TAFA5: variants seen among roughly 807,000 people sequenced by gnomAD.
The protein encoded by TAFA5 is TAFA chemokine like family member 5, also known as chemokine-like protein TAFA-5.
A neutral mutation model predicts 15.3 loss-of-function variants in TAFA5; 6 were observed. The ratio of observed to expected loss-of-function variants is 0.39; its 90% CI spans 0.21 to 0.77. TAFA5 has a LOEUF of 0.77. Ranked by LOEUF, TAFA5 falls within the 30% of genes least tolerant of loss-of-function variation. TAFA5 has a pLI of 0.41. For missense variants in TAFA5, 161 were observed against 193.1 expected (o/e 0.83, Z 0.98); for synonymous variants, 103 against 80.7 (o/e 1.28, Z -1.48).
intron 2 of TAFA5, among the ~76,000 whole-genome samples, chr22:48,695,416 T>C (rs1254016641): frequency 6.6e-6 from 1 of 152,178 alleles, no homozygotes; most frequent in African/African-American, 2.4e-5. Flanking sequence ...GATGATTCAT[T>C]TTTCCAAGCT....
chr22:48,538,226 C>T (rs1412054873), intron 1 of TAFA5, among the ~76,000 whole-genome samples: 1 of 151,646 alleles, frequency 6.6e-6, no homozygotes, highest in Non-Finnish European at 1.5e-5. Context: ...AAAGTCGCTG[C>T]CAGCTCCTGG....
At chr22:48,641,690 G>A (rs536322593) in intron 1 of TAFA5, among the ~76,000 whole-genome samples, 7 of 145,754 alleles carry the variant, frequency 4.8e-5, no homozygotes, top group South Asian at 2.4e-4. Context: ...GTGTGCACAC[G>A]GCCTCGCTAA....
chr22:48,577,976 C>T (rs1400683397), intron 1 of TAFA5, among the ~76,000 whole-genome samples: 1 of 152,218 alleles, frequency 6.6e-6, no homozygotes, highest in Non-Finnish European at 1.5e-5. Flanking sequence ...GTCATTGGGT[C>T]CAGGCAAGCC....
chr22:48,569,880 C>T (rs1386355255), intron 1 of TAFA5, among the ~76,000 whole-genome samples: 2 of 152,222 alleles, frequency 1.3e-5, no homozygotes. Flanking sequence ...GCCTGTCATG[C>T]TCTAGTCCTT....
At chr22:48,608,350 A>G (rs1159087805) in intron 1 of TAFA5, among the ~76,000 whole-genome samples, 1 of 151,950 alleles carries the variant, frequency 6.6e-6, no homozygotes, top group Non-Finnish European at 1.5e-5. Flanking sequence ...TTTTCTCTGA[A>G]CATTTATGCT....
chr22:48,615,007 C>T (rs1925546080), intron 1 of TAFA5, among the ~76,000 whole-genome samples: 1 of 152,158 alleles, frequency 6.6e-6, no homozygotes, highest in Non-Finnish European at 1.5e-5. Flanking sequence ...GGGGATTCAT[C>T]CTTTTTCTTT....
chr22:48,672,583 A>G (rs563182056), intron 2 of TAFA5, among the ~76,000 whole-genome samples: 1 of 152,202 alleles, frequency 6.6e-6, no homozygotes, highest in African/African-American at 2.4e-5. Context: ...TTTCTTTTGG[A>G]GCTTTGAAGA....
intron 2 of TAFA5, among the ~76,000 whole-genome samples, chr22:48,650,677 G>C (rs564720260): frequency 5.3e-5 from 8 of 152,324 alleles, no homozygotes; most frequent in South Asian, 2.1e-4. Context: ...GTACAGGGCA[G>C]GGCTGTGAGC....
At position 48,490,243 on chromosome 22, in the gene TAFA5, T is replaced by C. The variant is rs1272224800; in HGVS notation, c.112+539T>C. ...CGGGAAACGGGCTCGTCAGGCGCCT[T>C]CTGGAAAGAGAAGCGAAGTGAGGGA... On this transcript the variant is annotated intron_variant, in intron 1 of 3. Transcript: ENST00000402357. The surrounding 1 kb of genome is among the most constrained non-coding windows in gnomAD (Gnocchi z 5.8). Among the ~76,000 whole-genome samples the C allele has an allele frequency of 6.6e-6, 1 of 151,996 alleles. No individual in the cohort carries two copies. Among genetic ancestry groups the C allele is most frequent in the Non-Finnish European group, 1.5e-5 (1 of 67,956 alleles).
intron 1 of TAFA5, among the ~76,000 whole-genome samples, chr22:48,540,394 C>T (rs933019748): frequency 2.0e-5 from 3 of 152,066 alleles, no homozygotes; most frequent in East Asian, 1.9e-4. Context: ...AATCCCTCTC[C>T]GAGGCCACTT....
chr22:48,631,081 G>A (rs1289665088), intron 1 of TAFA5, among the ~76,000 whole-genome samples: 1 of 152,204 alleles, frequency 6.6e-6, no homozygotes, highest in Non-Finnish European at 1.5e-5. Flanking sequence ...TCCTTTCTAA[G>A]GACGGACCTC....
intron 3 of TAFA5, among the ~76,000 whole-genome samples, chr22:48,717,402 C>T (rs1315072479): frequency 6.6e-6 from 1 of 152,128 alleles, no homozygotes; most frequent in African/African-American, 2.4e-5. Context: ...ACCTGTGCTT[C>T]GGAAGATGAG....
At chr22:48,613,611 C>T (rs1003509735) in intron 1 of TAFA5, among the ~76,000 whole-genome samples, 10 of 151,988 alleles carry the variant, frequency 6.6e-5, no homozygotes, top group African/African-American at 7.3e-5. Flanking sequence ...TTAGAAAACA[C>T]GGATTTCCAT....
At chr22:48,506,483 G>C (rs368600522) in intron 1 of TAFA5, among the ~76,000 whole-genome samples, 1 of 152,134 alleles carries the variant, frequency 6.6e-6, no homozygotes, top group South Asian at 2.1e-4. Flanking sequence ...AGGGTGTAGG[G>C]CTCTTCCCGG....
chr22:48,637,770 G>T (rs897265640), intron 1 of TAFA5, among the ~76,000 whole-genome samples: 1 of 151,936 alleles, frequency 6.6e-6, no homozygotes, highest in African/African-American at 2.4e-5. Flanking sequence ...CCAAACCATC[G>T]ACGTCCCCAA....
chr22:48,667,166 G>A (rs955486249), intron 2 of TAFA5, among the ~76,000 whole-genome samples: 6 of 152,122 alleles, frequency 3.9e-5, no homozygotes, highest in African/African-American at 1.4e-4. Flanking sequence ...GCAGCACAGG[G>A]CAGCAGGGAT....
rs551779778 is a variant in TAFA5 at position 48,491,900 on chromosome 22, T to C, written c.112+2196T>C. ...CAGCCTTTCGCCAGGACAAGGACAA[T>C]TGGTAAGAAGGTCTTACCAGAGTAG... On this transcript the variant is annotated intron_variant, in intron 1 of 3. Coordinates refer to ENST00000402357, the MANE Select transcript of TAFA5 (RefSeq NM_001082967.3). Among the ~76,000 whole-genome samples the C allele has an allele frequency of 3.9e-5, 6 of 152,322 alleles. No individual in the cohort carries two copies. In the East Asian group the frequency reaches 7.7e-4, roughly 20 times the overall value.
intron 1 of TAFA5, among the ~76,000 whole-genome samples, chr22:48,600,126 C>T (rs1472880174): frequency 2.6e-5 from 4 of 152,196 alleles, no homozygotes; most frequent in African/African-American, 9.7e-5. Context: ...CCCCCCGAGG[C>T]CCTGGGACAT....
intron 1 of TAFA5, among the ~76,000 whole-genome samples, chr22:48,532,855 T>G (rs1451139695): frequency 6.6e-6 from 1 of 152,060 alleles, no homozygotes; most frequent in Admixed American, 6.5e-5. Context: ...GTCCTAGGAT[T>G]TGGAGGACAC....
Sources: allele counts gnomAD v4.1 joint callset (sites outside exome capture counted in the v4.1 genomes callset), GRCh38; gene constraint gnomAD v4.1.1; non-coding constraint Gnocchi (gnomAD v3.1); transcripts MANE v1.5; gene names NCBI Gene and HGNC (gene_info 2026-07-23, HGNC 2026-07-21).